Variants in RNF157 observed in about 807,000 individuals in gnomAD.
RNF157 encodes the protein ring finger protein 157, also known as E3 ubiquitin ligase RNF157.
RNF157 carries 55 observed loss-of-function variants against 88.3 expected under a neutral mutation model. The observed-to-expected ratio is 0.62, with a 90% CI of 0.50 to 0.78. RNF157 has a LOEUF of 0.78. RNF157 is among the 30% of genes least tolerant of loss of function. The pLI, the probability that RNF157 is intolerant of heterozygous loss-of-function variation, is 0.00. For missense variants in RNF157, 788 were observed against 860.8 expected (o/e 0.92, Z 1.06); for synonymous variants, 334 against 341.2 (o/e 0.98, Z 0.23).
intron 1 of RNF157, among the ~76,000 whole-genome samples, chr17:76,237,247 T>C (rs1340926450): frequency 6.6e-6 from 1 of 152,232 alleles, no homozygotes; most frequent in South Asian, 2.1e-4. Context: ...TTAAATATAC[T>C]AAGAAAAAAG....
intron 2 of RNF157, among the ~76,000 whole-genome samples, chr17:76,198,053 G>T (rs2069506467): frequency 1.3e-5 from 2 of 152,184 alleles, no homozygotes; most frequent in African/African-American, 4.8e-5. Context: ...CCCTACAGAG[G>T]ACCTGCCCCC....
intron 11 of RNF157, 46 bp from the exon 12 acceptor site, chr17:76,159,619 G>C: frequency 7.6e-7 from 1 of 1,324,298 alleles, no homozygotes; most frequent in Non-Finnish European, 1.1e-6. Flanking sequence ...GGTCCTTTTT[G>C]TTTTATGACG....
rs1421798655 is a variant in RNF157 at position 76,146,285 on chromosome 17, G to T, written c.1922-932C>A. The T allele has an allele frequency of 2.1e-6, 2 of 933,136 alleles. No homozygotes were observed. Among genetic ancestry groups the T allele is most frequent in the Non-Finnish European group, 2.6e-6 (2 of 782,202 alleles). 57.8% of individuals were successfully genotyped at this position (933,136 alleles called of 1,614,324 possible). On this transcript the variant is annotated intron_variant, in intron 18 of 18. Transcript: ENST00000269391. The surrounding 1 kb of genome is among the most constrained non-coding windows in gnomAD (Gnocchi z 4.2). ...TTCTCACCCATCAGATGGGACATGC[G>T]TACTGACCTCACGGGCTTGCTGTGA...
chr17:76,151,451 G>A (rs1221747706), intron 18 of RNF157, among the ~76,000 whole-genome samples: 1 of 152,208 alleles, frequency 6.6e-6, no homozygotes, highest in African/African-American at 2.4e-5. Context: ...TAAAGCACTG[G>A]ACCCGTGATG....
intron 2 of RNF157, among the ~76,000 whole-genome samples, chr17:76,189,792 T>G (rs1345096157): frequency 6.6e-6 from 1 of 151,700 alleles, no homozygotes; most frequent in Non-Finnish European, 1.5e-5. Flanking sequence ...GAGGTGAGGG[T>G]ACTGCCCAGC....
intron 1 of RNF157, among the ~76,000 whole-genome samples, chr17:76,223,726 G>A (rs959333543): frequency 2.0e-5 from 3 of 151,926 alleles, no homozygotes; most frequent in African/African-American, 7.2e-5. Context: ...TAAGTTCAAC[G>A]TACAGCCTCC....
chr17:76,202,184 G>GAC (rs965225868), intron 2 of RNF157, among the ~76,000 whole-genome samples: 3 of 147,264 alleles, frequency 2.0e-5, no homozygotes, highest in Non-Finnish European at 4.5e-5. Flanking sequence ...GCATGAGAAA[G>GAC]ACACCCGTTC....
At chr17:76,229,405 T>C (rs1216019231) in intron 1 of RNF157, among the ~76,000 whole-genome samples, 2 of 152,222 alleles carry the variant, frequency 1.3e-5, no homozygotes, top group African/African-American at 4.8e-5. Context: ...ATAGAGACAA[T>C]AATACTTCTT....
chr17:76,166,440 G>C (rs1287572728), intron 6 of RNF157, 21 bp downstream of exon 6: 1 of 1,606,506 alleles, frequency 6.2e-7, no homozygotes, highest in Admixed American at 1.7e-5. Flanking sequence ...CACAGCCAAA[G>C]AGGACAGAAA....
At chr17:76,239,542 C>A (rs371847479) in intron 1 of RNF157, among the ~76,000 whole-genome samples, 5 of 147,614 alleles carry the variant, frequency 3.4e-5, no homozygotes, top group East Asian at 4.1e-4. Context: ...CACCACCACC[C>A]CCCCCACCCC....
At chr17:76,182,350 C>T (rs1387108828) in intron 2 of RNF157, among the ~76,000 whole-genome samples, 1 of 152,032 alleles carries the variant, frequency 6.6e-6, no homozygotes, top group African/African-American at 2.4e-5. Flanking sequence ...ATCGGCAAAG[C>T]GCCACCTGGT....
chr17:76,156,328 G>T lies in RNF157; in HGVS notation c.1414-7C>A, dbSNP rs1445612229. On this transcript the variant is annotated splice_polypyrimidine_tract_variant and splice_region_variant and intron_variant, in intron 13 of 18. Transcript: ENST00000269391. Reference sequence around the variant, plus strand: ...CTGGAGTCACACCACATTCCTGGGGGTTGTGGGGGGACACAACAGGACATG... The same window carrying T: ...CTGGAGTCACACCACATTCCTGGGGTTTGTGGGGGGACACAACAGGACATG... 1 of 1,613,962 alleles carries T rather than the reference G, an allele frequency of 6.2e-7. No individual in the cohort carries two copies. The highest frequency in any genetic ancestry group is 8.5e-7 in the Non-Finnish European group (1 of 1,179,948).
Position 76,144,844 on chromosome 17 carries a change from G to T in RNF157, c.*391C>A. The T allele has an allele frequency of 5.9e-6, 1 of 170,832 alleles. No individual in the cohort carries two copies. The highest frequency in any genetic ancestry group is 1.2e-5 in the Non-Finnish European group (1 of 80,336). The allele number at this position is 170,832 out of a possible 1,614,324, so 10.6% of individuals were successfully genotyped here. The stretch of plus-strand genomic sequence containing the variant: ...GCAGGTTTCCAATTGGTTATGATGT[G>T]CCAGAGACCAGGAAATGCCAGAGGG... On this transcript the variant is annotated 3_prime_UTR_variant, in exon 19 of 19. Transcript: ENST00000269391.
intron 16 of RNF157, 66 bp from the exon 17 acceptor site, chr17:76,154,394 A>T (rs2068729562): frequency 9.7e-7 from 1 of 1,035,266 alleles, no homozygotes; most frequent in East Asian, 2.4e-5. Flanking sequence ...TTGGCTGAAG[A>T]CAGAACTAAT....
At chr17:76,182,630 T>C (rs750892922) in intron 2 of RNF157, among the ~76,000 whole-genome samples, 1 of 151,410 alleles carries the variant, frequency 6.6e-6, no homozygotes, top group Non-Finnish European at 1.5e-5. Flanking sequence ...TATTAGGCAA[T>C]TCCCAGTAGT....
intron 2 of RNF157, among the ~76,000 whole-genome samples, chr17:76,179,420 G>A (rs910526009): frequency 2.6e-5 from 4 of 151,846 alleles, no homozygotes; most frequent in African/African-American, 9.7e-5. Context: ...GGCCAAGCGT[G>A]GTGGTTCATG....
Position 76,146,400 on chromosome 17 carries a change from C to T in RNF157, c.1922-1047G>A. Reference sequence around the variant, plus strand: ...TCCTCCAGGCCATCTCGCCTCTCCCCTGGGAGTCCTCTTCATCTCCTGCCC... The same window carrying T: ...TCCTCCAGGCCATCTCGCCTCTCCCTTGGGAGTCCTCTTCATCTCCTGCCC... On this transcript the variant is annotated intron_variant, in intron 18 of 18. Coordinates refer to ENST00000269391, the MANE Select transcript of RNF157 (RefSeq NM_052916.3). This position sits in a 1 kb window ranked among gnomAD's most constrained non-coding sequence, Gnocchi z 4.2. The T allele has an allele frequency of 2.0e-6, 2 of 985,620 alleles. No homozygotes were observed. The highest frequency in any genetic ancestry group is 2.4e-6 in the Non-Finnish European group (2 of 830,046). 61.1% of individuals were successfully genotyped at this position (985,620 alleles called of 1,614,324 possible). A position where few individuals can be genotyped will look rare whatever the true frequency, so the allele number is the denominator to read the frequency against.
intron 18 of RNF157, chr17:76,147,422 A>T: frequency 3.8e-6 from 3 of 797,094 alleles, no homozygotes; most frequent in Non-Finnish European, 4.6e-6. Flanking sequence ...ACCACCAGCA[A>T]GCCATGGAAT....
intron 1 of RNF157, among the ~76,000 whole-genome samples, chr17:76,236,091 C>T (rs557366102): frequency 2.2e-4 from 34 of 152,016 alleles, no homozygotes; most frequent in East Asian, 9.7e-4. Flanking sequence ...TGTGGGTGGG[C>T]CTCTAGTCAG....
Sources: gnomAD v4.1 joint callset for allele counts (sites outside exome capture counted in the v4.1 genomes callset) on GRCh38, gnomAD v4.1.1 for gene constraint, Gnocchi (gnomAD v3.1) non-coding constraint, MANE v1.5 for transcripts, NCBI Gene and HGNC (gene_info 2026-07-23, HGNC 2026-07-21) for gene names.